Variants in FRMD4A observed in about 807,000 individuals in gnomAD.
The protein encoded by FRMD4A is FERM domain-containing protein 4A.
Under a neutral mutation model 129.1 loss-of-function variants are expected in FRMD4A, and 29 were observed. The observed-to-expected ratio is 0.22, with a 90% CI of 0.17 to 0.31. FRMD4A has a LOEUF of 0.31. FRMD4A is among the 10% of genes least tolerant of loss of function. The pLI, the probability that FRMD4A is intolerant of heterozygous loss-of-function variation, is 1.00. For synonymous variants in FRMD4A, 634 were observed against 571.6 expected (o/e 1.11, Z -1.56); for missense variants, 1,272 against 1,375.8 (o/e 0.92, Z 1.19).
chr10:14,185,615 G>C (rs906987846), intron 2 of FRMD4A, among the ~76,000 whole-genome samples: 2 of 139,372 alleles, frequency 1.4e-5, no homozygotes, highest in Admixed American at 7.5e-5. Context: ...AGACAGAAAG[G>C]GGATATATAC....
intron 2 of FRMD4A, among the ~76,000 whole-genome samples, chr10:14,088,752 C>CT (rs1294587876): frequency 7.1e-6 from 1 of 140,846 alleles, no homozygotes; most frequent in African/African-American, 2.8e-5. Flanking sequence ...CGCCACTGCA[C>CT]TCCAGCCTGG....
chr10:13,808,265 T>C (rs2093390129), intron 4 of FRMD4A, among the ~76,000 whole-genome samples: 1 of 152,208 alleles, frequency 6.6e-6, no homozygotes, highest in Non-Finnish European at 1.5e-5. Context: ...TCATAAAGAA[T>C]GGAACTACGA....
chr10:14,323,799 G>T (rs1408146490), intron 2 of FRMD4A, among the ~76,000 whole-genome samples: 2 of 152,166 alleles, frequency 1.3e-5, no homozygotes, highest in African/African-American at 4.8e-5. Flanking sequence ...ATTGGCCCGC[G>T]AAGAGCCTGT....
chr10:13,886,910 T>C (rs916427672), intron 2 of FRMD4A, among the ~76,000 whole-genome samples: 1 of 152,180 alleles, frequency 6.6e-6, no homozygotes, highest in Admixed American at 6.5e-5. Flanking sequence ...TAGCCACGGA[T>C]TGGCAAATAA....
At chr10:14,270,730 AAC>A (rs1353217699) in intron 2 of FRMD4A, among the ~76,000 whole-genome samples, 6 of 152,184 alleles carry the variant, frequency 3.9e-5, no homozygotes, top group Non-Finnish European at 7.3e-5. Context: ...AACAACATAA[AAC>A]AGAACGATTT....
Position 13,781,961 on chromosome 10 carries a change from C to T in FRMD4A, c.384+961G>A, listed in dbSNP as rs145440426. On this transcript the variant is annotated intron_variant, in intron 6 of 24. Coordinates refer to ENST00000357447, the MANE Select transcript of FRMD4A (RefSeq NM_018027.5). ...CGCTGAACTGCACACTTAAAAATGGCGGAGACTACAAACTGACTTCCGTGT... is the reference window on the plus strand; with the variant it reads ...CGCTGAACTGCACACTTAAAAATGGTGGAGACTACAAACTGACTTCCGTGT... Among the ~76,000 whole-genome samples the T allele has an allele frequency of 5.3e-3, 801 of 152,144 alleles. 10 individuals are homozygous for T. The highest frequency in any genetic ancestry group is 0.014 in the African/African-American group (563 of 41,502).
intron 12 of FRMD4A, among the ~76,000 whole-genome samples, chr10:13,727,486 G>T (rs1461162481): frequency 6.6e-6 from 1 of 152,184 alleles, no homozygotes; most frequent in African/African-American, 2.4e-5. Flanking sequence ...GATGGCGGTG[G>T]CTCCGGGGTC....
intron 12 of FRMD4A, among the ~76,000 whole-genome samples, chr10:13,737,384 C>T (rs1160255897): frequency 6.6e-6 from 1 of 152,198 alleles, no homozygotes; most frequent in Non-Finnish European, 1.5e-5. Flanking sequence ...GCCAGCGTGC[C>T]CAGCCTTTCA....
chr10:14,249,860 T>C (rs888573019), intron 2 of FRMD4A, among the ~76,000 whole-genome samples: 20 of 152,220 alleles, frequency 1.3e-4, no homozygotes, highest in Admixed American at 5.2e-4. Flanking sequence ...TACTTTTTAA[T>C]AAAAGTATAT....
intron 2 of FRMD4A, among the ~76,000 whole-genome samples, chr10:14,205,836 T>TA (rs1842767034): frequency 6.7e-6 from 1 of 148,742 alleles, no homozygotes; most frequent in Non-Finnish European, 1.5e-5. Flanking sequence ...AAAAGGGAAT[T>TA]ATGTTTACTC....
rs571106438 is a variant in FRMD4A at position 13,838,788 on chromosome 10, T to G, written c.111+20059A>C. 1.9e-4 allele frequency among the ~76,000 whole-genome samples: 29 copies of G among 152,164 alleles called. No homozygotes were observed. The South Asian group carries it at 5.8e-3, about 30-fold the overall frequency. On this transcript the variant is annotated intron_variant, in intron 3 of 24. Coordinates refer to ENST00000357447, the MANE Select transcript of FRMD4A (RefSeq NM_018027.5). ...GATTACAGGCGTGAGCCACCGCGCC[T>G]GCCTATGTTCTGTTTGCTACATACC...
intron 3 of FRMD4A, among the ~76,000 whole-genome samples, chr10:13,819,935 G>C (rs957671411): frequency 6.6e-6 from 1 of 152,190 alleles, no homozygotes; most frequent in African/African-American, 2.4e-5. Flanking sequence ...TGTTGGCCAG[G>C]CTGGTCTCGA....
At position 13,712,525 on chromosome 10, in the gene FRMD4A, A is replaced by G. The variant is rs77157848; in HGVS notation, c.760-5412T>C. Among the ~76,000 whole-genome samples the G allele has an allele frequency of 2.6e-5, 4 of 152,164 alleles. No homozygotes were observed. In the South Asian group the frequency reaches 8.3e-4, roughly 32 times the overall value. Reference sequence around the variant, plus strand: ...TGAGACTCCATTTCAAAAAAAAAAAAAGAGCAACAACAAAAAAAACAGCCT... The same window carrying G: ...TGAGACTCCATTTCAAAAAAAAAAAGAGAGCAACAACAAAAAAAACAGCCT... On this transcript the variant is annotated intron_variant, in intron 12 of 24. Transcript: ENST00000357447.
chr10:14,154,975 C>G (rs1840524288), intron 2 of FRMD4A, among the ~76,000 whole-genome samples: 1 of 152,338 alleles, frequency 6.6e-6, no homozygotes, highest in East Asian at 1.9e-4. Context: ...GTCCCCAATC[C>G]TCTTATACTC....
At chr10:14,303,836 T>C (rs974976385) in intron 2 of FRMD4A, among the ~76,000 whole-genome samples, 1 of 152,196 alleles carries the variant, frequency 6.6e-6, no homozygotes, top group Non-Finnish European at 1.5e-5. Context: ...TGGTTTATTA[T>C]TCTCTATAAT....
chr10:14,234,724 G>T (rs926838155), intron 2 of FRMD4A, among the ~76,000 whole-genome samples: 2 of 152,198 alleles, frequency 1.3e-5, no homozygotes, highest in East Asian at 3.8e-4. Flanking sequence ...CAATTCTCCC[G>T]TATTAGGATG....
chr10:13,929,213 A>G (rs1053497660), intron 2 of FRMD4A, among the ~76,000 whole-genome samples: 2 of 152,242 alleles, frequency 1.3e-5, no homozygotes, highest in Admixed American at 6.5e-5. Context: ...ATATCATCAC[A>G]GTGACAGTTC....
At chr10:14,165,708 A>G (rs1706854124) in intron 2 of FRMD4A, among the ~76,000 whole-genome samples, 1 of 152,226 alleles carries the variant, frequency 6.6e-6, no homozygotes, top group South Asian at 2.1e-4. Flanking sequence ...TTGCAGCAAC[A>G]TGGATGGAGC....
chr10:14,140,815 C>G (rs1007926963), intron 2 of FRMD4A, among the ~76,000 whole-genome samples: 1 of 152,054 alleles, frequency 6.6e-6, no homozygotes, highest in African/African-American at 2.4e-5. Flanking sequence ...TTCAAATCCC[C>G]CATTTGTTAC....
Sources: gnomAD v4.1 joint callset for allele counts (sites outside exome capture counted in the v4.1 genomes callset) on GRCh38, gnomAD v4.1.1 for gene constraint, MANE v1.5 for transcripts, NCBI Gene and HGNC (gene_info 2026-07-23, HGNC 2026-07-21) for gene names.